ABCC5: variants seen among roughly 807,000 people sequenced by gnomAD.
ABCC5 encodes the protein ATP-binding cassette sub-family C member 5.
In ABCC5, 61 loss-of-function variants were observed where a neutral mutation model predicts 160.9. The ratio of observed to expected loss-of-function variants is 0.38; its 90% CI spans 0.31 to 0.47. The LOEUF is 0.47. ABCC5 is among the 20% of genes least tolerant of loss of function. ABCC5 has a pLI of 0.99. For synonymous variants in ABCC5, 666 were observed against 700.6 expected (o/e 0.95, Z 0.78); for missense variants, 1,308 against 1,813.3 (o/e 0.72, Z 5.06).
intron 14 of ABCC5, among the ~76,000 whole-genome samples, 186 bp downstream of exon 14, chr3:183,964,999 C>T (rs910586013): frequency 2.6e-5 from 4 of 152,224 alleles, no homozygotes; most frequent in African/African-American, 9.6e-5. Flanking sequence ...ATACTTACAA[C>T]CTTAAAACAA....
intron 2 of ABCC5, among the ~76,000 whole-genome samples, chr3:184,011,712 A>G (rs1185426072): frequency 6.6e-6 from 1 of 152,242 alleles, no homozygotes; most frequent in Non-Finnish European, 1.5e-5. Context: ...AATGCTACTC[A>G]GCAATACAAA....
Position 183,921,936 on chromosome 3 carries a change from C to T in ABCC5, c.4213-535G>A, listed in dbSNP as rs1712017732. On this transcript the variant is annotated intron_variant, in intron 29 of 29. Coordinates refer to ENST00000334444, the MANE Select transcript of ABCC5 (RefSeq NM_005688.4). The surrounding 1 kb of genome is among the most constrained non-coding windows in gnomAD (Gnocchi z 4.1). ...ATCCCAGTGACTTGGGAGGCTGAGG[C>T]AGGAGAATCGCTTGAACCCAGGAGG... is the stretch of plus-strand genomic sequence containing the variant. Among the ~76,000 whole-genome samples the T allele has an allele frequency of 6.6e-6, 1 of 151,866 alleles. No individual in the cohort carries two copies. Among genetic ancestry groups the T allele is most frequent in the South Asian group, 2.1e-4 (1 of 4,808 alleles).
chr3:183,940,418 C>T (rs1412687206), intron 25 of ABCC5, among the ~76,000 whole-genome samples: 3 of 140,248 alleles, frequency 2.1e-5, no homozygotes, highest in African/African-American at 8.1e-5. Context: ...CGAGATTGCA[C>T]CACTGCACTC....
At chr3:183,990,681 A>G (rs1244346269) in intron 2 of ABCC5, among the ~76,000 whole-genome samples, 1 of 152,196 alleles carries the variant, frequency 6.6e-6, no homozygotes, top group Non-Finnish European at 1.5e-5. Flanking sequence ...AGAGCTCTAC[A>G]CTTCCCTGCA....
intron 2 of ABCC5, among the ~76,000 whole-genome samples, chr3:184,008,720 T>C (rs904991168): frequency 6.6e-6 from 1 of 152,274 alleles, no homozygotes; most frequent in African/African-American, 2.4e-5. Flanking sequence ...GTCACAATAC[T>C]GAGAAATGGG....
At chr3:183,959,910 G>GA in intron 16 of ABCC5, 75 bp from the exon 17 acceptor site, 2 of 1,057,292 alleles carry the variant, frequency 1.9e-6, no homozygotes. Context: ...ACATATTAGG[G>GA]AATCATCAAT....
chr3:183,973,563 C>T (rs1008297605), intron 10 of ABCC5, among the ~76,000 whole-genome samples: 3 of 151,900 alleles, frequency 2.0e-5, no homozygotes, highest in African/African-American at 7.3e-5. Context: ...ATACATAATC[C>T]CTCTCCCCAA....
intron 2 of ABCC5, among the ~76,000 whole-genome samples, chr3:183,996,872 C>T (rs1013437281): frequency 1.3e-5 from 2 of 152,164 alleles, no homozygotes; most frequent in African/African-American, 4.8e-5. Context: ...CCCTGTTATT[C>T]TTTCCTAAAC....
At chr3:183,927,770 T>TA (rs1712731653) in intron 27 of ABCC5, 3 of 985,464 alleles carry the variant, frequency 3.0e-6, no homozygotes, top group Non-Finnish European at 1.2e-6. Context: ...GGAAATAGTA[T>TA]AGTAAGGAAA....
In ABCC5 at chr3:183,963,830, T is replaced by C. The variant is rs913589316; in HGVS notation, c.2032-242A>G. On this transcript the variant is annotated intron_variant, in intron 14 of 29. Transcript: ENST00000334444. The surrounding 1 kb of genome is among the most constrained non-coding windows in gnomAD (Gnocchi z 4.6). ...CATCTGGGTACCGATCAATCCTACA[T>C]CTGGTCTTGCCAGTCCACCCGGATG... is the stretch of plus-strand genomic sequence containing the variant. Among the ~76,000 whole-genome samples the C allele has an allele frequency of 6.6e-6, 1 of 152,194 alleles. No individual in the cohort carries two copies. Among genetic ancestry groups the C allele is most frequent in the Non-Finnish European group, 1.5e-5 (1 of 68,042 alleles).
At chr3:184,012,014 A>AACACACACACACACACACACAC (rs3031485) in intron 2 of ABCC5, among the ~76,000 whole-genome samples, 1 of 145,380 alleles carries the variant, frequency 6.9e-6, no homozygotes, top group East Asian at 2.1e-4. Context: ...CATAGAACAC[A>AACACACACACACACACACACAC]ACACACACAC....
At chr3:183,932,930 C>T (rs541726210) in intron 26 of ABCC5, among the ~76,000 whole-genome samples, 26 of 152,014 alleles carry the variant, frequency 1.7e-4, no homozygotes, top group African/African-American at 5.8e-4. Context: ...TTTGGAAGGC[C>T]GAGGTGGGCA....
At chr3:183,966,715 G>C (rs1240482806) in intron 12 of ABCC5, among the ~76,000 whole-genome samples, 1 of 152,048 alleles carries the variant, frequency 6.6e-6, no homozygotes, top group African/African-American at 2.4e-5. Flanking sequence ...CCACTGGAGA[G>C]TGTCATAAAG....
At position 183,951,185 on chromosome 3, in the gene ABCC5, A is replaced by G. The variant is rs1336603433; in HGVS notation, c.2944+256T>C. Among the ~76,000 whole-genome samples the G allele has an allele frequency of 2.0e-5, 3 of 152,240 alleles. No individual in the cohort carries two copies. The highest frequency in any genetic ancestry group is 7.2e-5 in the African/African-American group (3 of 41,462). On this transcript the variant is annotated intron_variant, in intron 20 of 29. Coordinates refer to ENST00000334444, the MANE Select transcript of ABCC5 (RefSeq NM_005688.4). This position sits in a 1 kb window ranked among gnomAD's most constrained non-coding sequence, Gnocchi z 4.7. ...GTTGTAGGCATCCAGAAACCAATGC[A>G]TTGCTTTAAAATCTGTGTGTGTTTC...
intron 27 of ABCC5, among the ~76,000 whole-genome samples, 195 bp downstream of exon 27, chr3:183,928,552 G>A (rs538638806): frequency 3.2e-4 from 49 of 152,316 alleles, no homozygotes; most frequent in African/African-American, 8.9e-4. Context: ...CAATATGACC[G>A]TAGGCAGTGT....
intron 2 of ABCC5, among the ~76,000 whole-genome samples, chr3:184,002,676 C>G (rs1449139589): frequency 6.6e-6 from 1 of 152,222 alleles, no homozygotes; most frequent in East Asian, 1.9e-4. Context: ...GCTGCCAGAG[C>G]AAATGCCTGC....
intron 17 of ABCC5, 146 bp from the exon 18 acceptor site, chr3:183,953,416 T>A: frequency 1.4e-6 from 1 of 695,544 alleles, no homozygotes; most frequent in East Asian, 2.8e-5. Context: ...CATTCATTCA[T>A]CTATTTAACA....
At chr3:183,962,096 T>C (rs1716801243) in intron 15 of ABCC5, among the ~76,000 whole-genome samples, 2 of 152,140 alleles carry the variant, frequency 1.3e-5, no homozygotes, top group African/African-American at 2.4e-5. Context: ...GGTACACAGA[T>C]GCTCCTCAAT....
chr3:183,959,698 A>G (rs751163952), intron 17 of ABCC5, 35 bp downstream of exon 17: 2 of 1,464,578 alleles, frequency 1.4e-6, no homozygotes, highest in Non-Finnish European at 9.5e-7. Context: ...ATAAACTTTG[A>G]TGACAAATCT....
Sources: gnomAD v4.1 joint callset for allele counts (sites outside exome capture counted in the v4.1 genomes callset) on GRCh38, gnomAD v4.1.1 for gene constraint, Gnocchi (gnomAD v3.1) non-coding constraint, MANE v1.5 for transcripts, NCBI Gene and HGNC (gene_info 2026-07-23, HGNC 2026-07-21) for gene names.